Variants in NME7 observed in about 807,000 individuals in gnomAD.
NME7 encodes the protein NME/NM23 family member 7.
A neutral mutation model predicts 49.1 loss-of-function variants in NME7; 41 were observed. The observed-to-expected ratio is 0.83, with a 90% CI of 0.65 to 1.08. The LOEUF is 1.08. Among genes scored for constraint, NME7 ranks in the 50% least tolerant of loss-of-function variants. NME7 has a pLI of 0.00. For synonymous variants in NME7, 139 were observed against 150.6 expected, an observed-to-expected ratio of 0.92 and a Z score of 0.56; for missense variants, 423 against 463.4, an observed-to-expected ratio of 0.91 and a Z score of 0.80.
At chr1:169,177,832 T>TTTTTTTG in intron 10 of NME7, among the ~76,000 whole-genome samples, 1 of 128,790 alleles carries the variant, frequency 7.8e-6, no homozygotes, top group South Asian at 2.4e-4. Flanking sequence ...AGCAATTCTC[T>TTTTTTTG]TTTTTTGTTT....
chr1:169,299,830 G>A lies in NME7; in HGVS notation c.441-1067C>T, dbSNP rs531510252. On this transcript the variant is annotated intron_variant, in intron 5 of 11. Transcript: ENST00000367811. ...ATACATTTTCTGCCAGACCTTTGCT[G>A]CCAAAACAAACAAAACCCCCAAGAC... Among the ~76,000 whole-genome samples, 7 of 151,840 alleles carry A rather than the reference G, an allele frequency of 4.6e-5. 1 individual carries two copies. The South Asian group carries it at 1.5e-3, about 32-fold the overall frequency.
rs535056868 is a variant in NME7, at chr1:169,345,065, T to C, written c.4-20565A>G. 2.6e-5 allele frequency among the ~76,000 whole-genome samples: 4 copies of C among 152,310 alleles called. 1 individual carries two copies. In the South Asian group the frequency reaches 6.2e-4, roughly 24 times the overall value. Reference sequence around the variant, plus strand: ...ATTTCTTCTTGAGTTTTAGTAGTTATGTCTTTCAATGATTTTGCCCATTTC... The same window carrying C: ...ATTTCTTCTTGAGTTTTAGTAGTTACGTCTTTCAATGATTTTGCCCATTTC... On this transcript the variant is annotated intron_variant, in intron 1 of 11. Coordinates refer to ENST00000367811, the MANE Select transcript of NME7 (RefSeq NM_013330.5).
In NME7 at chr1:169,247,682, T is replaced by C. The variant is rs112703106; in HGVS notation, c.755-9995A>G. 5.8e-3 allele frequency among the ~76,000 whole-genome samples: 877 copies of C among 152,228 alleles called. 8 individuals carry two copies. The highest frequency in any genetic ancestry group is 0.02 in the African/African-American group (840 of 41,534). On this transcript the variant is annotated intron_variant, in intron 7 of 11. Coordinates refer to ENST00000367811, the MANE Select transcript of NME7 (RefSeq NM_013330.5). ...CGCCAAAGTCCATCATAGAATTCTG[T>C]ATGCCTTTGCATACCCGTATCTTGG...
chr1:169,309,900 A>G, intron 4 of NME7, 70 bp downstream of exon 4: 1 of 946,108 alleles, frequency 1.1e-6, no homozygotes, highest in Non-Finnish European at 1.6e-6. Context: ...AAACAATGAC[A>G]AGAAAGACAG....
intron 1 of NME7, among the ~76,000 whole-genome samples, chr1:169,352,444 C>A (rs1026006085): frequency 3.9e-5 from 6 of 152,080 alleles, no homozygotes; most frequent in African/African-American, 1.4e-4. Context: ...ATAATAAAAG[C>A]CATATATGAC....
At chr1:169,355,592 T>C (rs1270888005) in intron 1 of NME7, among the ~76,000 whole-genome samples, 1 of 150,388 alleles carries the variant, frequency 6.6e-6, no homozygotes, top group African/African-American at 2.5e-5. Flanking sequence ...CCAAGCAGGC[T>C]CCCACCTCAG....
At chr1:169,152,178 T>C (rs911642758) in intron 11 of NME7, among the ~76,000 whole-genome samples, 1 of 152,202 alleles carries the variant, frequency 6.6e-6, no homozygotes, top group Non-Finnish European at 1.5e-5. Context: ...CTACTATATT[T>C]ATTTTCTAAT....
rs375774733 is a variant in NME7 at position 169,266,464 on chromosome 1, T to C, written c.754+20839A>G. Among the ~76,000 whole-genome samples the C allele has an allele frequency of 7.4e-4, 99 of 133,482 alleles. 14 individuals are homozygous for C. The highest frequency in any genetic ancestry group is 2.3e-3 in the African/African-American group (90 of 39,526). 87.6% of individuals were successfully genotyped at this position (133,482 alleles called of 152,430 possible). On this transcript the variant is annotated intron_variant, in intron 7 of 11. Coordinates refer to ENST00000367811, the MANE Select transcript of NME7 (RefSeq NM_013330.5). ...GGAACATACTTCAAAATAATAATAG[T>C]CATCAATGACAAACCCACAGTCAAC...
intron 10 of NME7, among the ~76,000 whole-genome samples, chr1:169,185,728 T>C (rs577598226): frequency 1.3e-5 from 2 of 152,280 alleles, no homozygotes; most frequent in South Asian, 4.1e-4. Context: ...AGAGCACAGA[T>C]CAGAACTGTA....
chr1:169,135,601 GCTA>G (rs1557956773), intron 11 of NME7, among the ~76,000 whole-genome samples: 2 of 152,136 alleles, frequency 1.3e-5, no homozygotes, highest in Middle Eastern at 3.4e-3. Context: ...TTAAGAGGGG[GCTA>G]CTGTTAACCA....
intron 1 of NME7, among the ~76,000 whole-genome samples, chr1:169,355,255 CTATATATAATATATTGTATAT>C (rs1169665570): frequency 0.11 from 1,615 of 14,410 alleles, 152 homozygotes; most frequent in East Asian, 0.29. Context: ...TATATTATAT[CTATATATAATATATTGTATAT>C]TATATATAAT....
In NME7 at chr1:169,341,436, T is replaced by A. The variant is rs1027114112; in HGVS notation, c.4-16936A>T. The stretch of plus-strand genomic sequence containing the variant: ...AAAGTCTGCTGCTGGGGCAGAGCCC[T>A]CATGGAGAGCCTCTACTAGGGCAAT... On this transcript the variant is annotated intron_variant, in intron 1 of 11. Transcript: ENST00000367811. Among the ~76,000 whole-genome samples, 7 of 152,308 alleles carry A rather than the reference T, an allele frequency of 4.6e-5. No individual in the cohort carries two copies. In the East Asian group the frequency reaches 1.4e-3, roughly 29 times the overall value.
intron 5 of NME7, 111 bp from the exon 6 acceptor site, chr1:169,298,874 T>C: frequency 1.1e-6 from 1 of 922,186 alleles, no homozygotes; most frequent in Non-Finnish European, 1.6e-6. Context: ...ATGAATATTA[T>C]AATCTTAGAA....
chr1:169,305,617 TA>T (rs1177125519), intron 4 of NME7, among the ~76,000 whole-genome samples: 3 of 152,182 alleles, frequency 2.0e-5, no homozygotes, highest in Non-Finnish European at 4.4e-5. Context: ...CCTTGAGGGA[TA>T]AGGTAAAGCC....
intron 3 of NME7, among the ~76,000 whole-genome samples, chr1:169,310,396 T>C (rs2101920847): frequency 6.6e-6 from 1 of 152,282 alleles, no homozygotes; most frequent in African/African-American, 2.4e-5. Context: ...TTAGAATACA[T>C]TTTATACAAA....
intron 7 of NME7, among the ~76,000 whole-genome samples, chr1:169,274,288 T>C (rs1197996803): frequency 2.3e-5 from 3 of 133,310 alleles, no homozygotes; most frequent in African/African-American, 7.7e-5. Context: ...CTGTTCATAT[T>C]CTTTGTCCAC....
intron 10 of NME7, among the ~76,000 whole-genome samples, chr1:169,178,630 G>A (rs763124536): frequency 1.3e-5 from 2 of 152,042 alleles, no homozygotes; most frequent in Admixed American, 6.5e-5. Context: ...GCTGGTTTCT[G>A]TTTCTTGAGC....
intron 10 of NME7, among the ~76,000 whole-genome samples, chr1:169,182,563 A>G (rs1659960311): frequency 6.6e-6 from 1 of 152,018 alleles, no homozygotes; most frequent in Non-Finnish European, 1.5e-5. Context: ...TTCCAAGTCT[A>G]CTCCTACTAT....
At chr1:169,176,403 T>C (rs990729330) in intron 10 of NME7, among the ~76,000 whole-genome samples, 2 of 152,114 alleles carry the variant, frequency 1.3e-5, no homozygotes, top group African/African-American at 4.8e-5. Flanking sequence ...GGAAAATACA[T>C]AAATTGTTTG....
Sources: allele counts gnomAD v4.1 joint callset (sites outside exome capture counted in the v4.1 genomes callset), GRCh38; gene constraint gnomAD v4.1.1; transcripts MANE v1.5; gene names NCBI Gene and HGNC (gene_info 2026-07-23, HGNC 2026-07-21).